Variants in FGF14 observed in about 807,000 individuals in gnomAD.
FGF14 encodes fibroblast growth factor homologous factor 4.
In FGF14, 5 loss-of-function variants were observed where a neutral mutation model predicts 25.5. The ratio of observed to expected loss-of-function variants is 0.20; its 90% confidence interval spans 0.10 to 0.41. The LOEUF is 0.41. FGF14 is among the 10% of genes least tolerant of loss of function. FGF14 has a pLI of 1.00. For synonymous variants in FGF14, 138 were observed against 118.3 expected (o/e 1.17, Z -1.08); for missense variants, 222 against 320.1 (o/e 0.69, Z 2.34).
At chr13:102,346,164 C>A (rs970964492) in intron 1 of FGF14, among the ~76,000 whole-genome samples, 1 of 151,662 alleles carries the variant, frequency 6.6e-6, no homozygotes, top group South Asian at 2.1e-4. Flanking sequence ...TTAACAAGCA[C>A]AAAAATAAAA....
chr13:102,108,577 C>T (rs896921611), intron 1 of FGF14, among the ~76,000 whole-genome samples: 1 of 152,106 alleles, frequency 6.6e-6, no homozygotes, highest in Non-Finnish European at 1.5e-5. Context: ...TTAATCTCCC[C>T]AAAGGTTAGG....
At position 102,334,766 on chromosome 13, in the gene FGF14, C is replaced by T. The variant is rs916108534; in HGVS notation, c.208+66705G>A. ...AATTTTTGCTTTTTGTACCCTAAAA[C>T]GTGTCTTGCATTTTTAGTTATCCTT... On this transcript the variant is annotated intron_variant, in intron 1 of 4. Transcript: ENST00000376131. Among the ~76,000 whole-genome samples the T allele has an allele frequency of 5.3e-5, 8 of 152,150 alleles. No homozygotes were observed. In the East Asian group the frequency reaches 1.5e-3, roughly 29 times the overall value.
intron 1 of FGF14, among the ~76,000 whole-genome samples, chr13:102,303,569 T>C (rs2055197629): frequency 6.6e-6 from 1 of 152,204 alleles, no homozygotes; most frequent in African/African-American, 2.4e-5. Context: ...ATCAGGTTCA[T>C]TCAGTATTTT....
chr13:102,319,475 C>T (rs2056162044), intron 1 of FGF14, among the ~76,000 whole-genome samples: 1 of 152,196 alleles, frequency 6.6e-6, no homozygotes, highest in African/African-American at 2.4e-5. Context: ...GGGGCTTGCC[C>T]CCACCAGCAC....
chr13:101,731,618 G>C (rs1221751837), intron 3 of FGF14, among the ~76,000 whole-genome samples: 3 of 152,178 alleles, frequency 2.0e-5, no homozygotes, highest in East Asian at 1.9e-4. Flanking sequence ...AAAATACCGT[G>C]ATGGGCCATT....
chr13:101,838,530 CA>C (rs747032383), intron 3 of FGF14, among the ~76,000 whole-genome samples: 9 of 152,140 alleles, frequency 5.9e-5, no homozygotes, highest in Middle Eastern at 3.4e-3. Context: ...AGTGCTTATG[CA>C]AGGAATTTTG....
At chr13:101,803,812 C>T (rs1351510260) in intron 3 of FGF14, among the ~76,000 whole-genome samples, 4 of 152,104 alleles carry the variant, frequency 2.6e-5, no homozygotes, top group African/African-American at 7.2e-5. Context: ...CGGAAGGACA[C>T]GAATTCAATC....
At chr13:102,023,377 T>C (rs2040768768) in intron 1 of FGF14, among the ~76,000 whole-genome samples, 1 of 152,096 alleles carries the variant, frequency 6.6e-6, no homozygotes. Context: ...AAATAGAGAT[T>C]AGACATCTCA....
chr13:102,366,796 G>C (rs979340180), intron 1 of FGF14, among the ~76,000 whole-genome samples: 9 of 152,100 alleles, frequency 5.9e-5, no homozygotes. Context: ...ACATCTGATG[G>C]AAAGTAAATT....
chr13:102,211,465 G>T (rs1260004822), intron 1 of FGF14, among the ~76,000 whole-genome samples: 1 of 151,822 alleles, frequency 6.6e-6, no homozygotes, highest in Non-Finnish European at 1.5e-5. Context: ...GATTATTTTT[G>T]CATCTTTCAT....
chr13:102,263,472 G>C (rs1316573892), intron 1 of FGF14, among the ~76,000 whole-genome samples: 1 of 152,086 alleles, frequency 6.6e-6, no homozygotes, highest in African/African-American at 2.4e-5. Flanking sequence ...ACCCCCAATA[G>C]AGACAGTACC....
chr13:102,178,152 T>C (rs1263196759), intron 1 of FGF14, among the ~76,000 whole-genome samples: 2 of 151,978 alleles, frequency 1.3e-5, no homozygotes, highest in East Asian at 1.9e-4. Flanking sequence ...GAAGAGAAAA[T>C]ACAATGAAGG....
rs986408258 is a variant in FGF14, at chr13:102,400,333, C to A, written c.208+1138G>T. Among the ~76,000 whole-genome samples the A allele has an allele frequency of 6.6e-6, 1 of 152,214 alleles. No homozygotes were observed. The highest frequency in any genetic ancestry group is 2.4e-5 in the African/African-American group (1 of 41,452). On this transcript the variant is annotated intron_variant, in intron 1 of 4. Transcript: ENST00000376131. The surrounding 1 kb of genome is among the most constrained non-coding windows in gnomAD (Gnocchi z 4.3). ...CACTGCGGGACGGCCGATCTGCCCG[C>A]TCCCTCCTTCAGACACAACCCCAGA...
intron 1 of FGF14, among the ~76,000 whole-genome samples, chr13:102,027,475 A>G (rs566278602): frequency 6.6e-6 from 1 of 152,160 alleles, no homozygotes; most frequent in South Asian, 2.1e-4. Flanking sequence ...GGCTAGCAGG[A>G]AAGATAATTC....
At chr13:102,265,324 T>C (rs952288941) in intron 1 of FGF14, among the ~76,000 whole-genome samples, 1 of 152,170 alleles carries the variant, frequency 6.6e-6, no homozygotes, top group African/African-American at 2.4e-5. Flanking sequence ...TCATTATCTC[T>C]TTTAGCAAAC....
chr13:101,761,528 G>A (rs568095870), intron 3 of FGF14, among the ~76,000 whole-genome samples: 6 of 152,236 alleles, frequency 3.9e-5, no homozygotes, highest in South Asian at 2.1e-4. Context: ...CAGAAAGGTC[G>A]ACTATAGACA....
At chr13:101,869,992 T>G (rs2044960075) in intron 2 of FGF14, among the ~76,000 whole-genome samples, 2 of 152,190 alleles carry the variant, frequency 1.3e-5, no homozygotes, top group African/African-American at 4.8e-5. Flanking sequence ...AAGATGTCTG[T>G]GCTACACAAA....
At chr13:102,147,633 G>A (rs1040105707) in intron 1 of FGF14, among the ~76,000 whole-genome samples, 1 of 152,106 alleles carries the variant, frequency 6.6e-6, no homozygotes, top group African/African-American at 2.4e-5. Flanking sequence ...CCACTTTCTG[G>A]TACTACCTAT....
chr13:102,173,175 C>A (rs1049101968), intron 1 of FGF14, among the ~76,000 whole-genome samples: 1 of 152,022 alleles, frequency 6.6e-6, no homozygotes, highest in Non-Finnish European at 1.5e-5. Flanking sequence ...TAAAAATGGG[C>A]AAAGGACTGG....
Sources: allele counts gnomAD v4.1 joint callset (sites outside exome capture counted in the v4.1 genomes callset), GRCh38; gene constraint gnomAD v4.1.1; non-coding constraint Gnocchi (gnomAD v3.1); transcripts MANE v1.5; gene names NCBI Gene and HGNC (gene_info 2026-07-23, HGNC 2026-07-21).